The following ATP8B4 variants were observed in gnomAD, a reference collection of about 807,000 sequenced individuals.
ATP8B4 encodes the protein ATPase phospholipid transporting 8B4 (putative).
In ATP8B4, 133 loss-of-function variants were observed where a neutral mutation model predicts 145.6. The ratio of observed to expected loss-of-function variants is 0.91; its 90% CI spans 0.79 to 1.05. ATP8B4 has a LOEUF of 1.05. ATP8B4 is among the 50% of genes least tolerant of loss of function. ATP8B4 has a pLI of 0.00. For synonymous variants in ATP8B4, 507 were observed against 492.9 expected, an observed-to-expected ratio of 1.03 and a Z score of -0.38; for missense variants, 1,458 against 1,425.2, an observed-to-expected ratio of 1.02 and a Z score of -0.37.
At chr15:49,974,272 G>A (rs560115488) in intron 12 of ATP8B4, among the ~76,000 whole-genome samples, 12 of 151,682 alleles carry the variant, frequency 7.9e-5, no homozygotes, top group South Asian at 2.1e-4. Flanking sequence ...TAGTAGAGAC[G>A]GGGTTTCACT....
rs575333583 is a variant in ATP8B4, at chr15:50,065,502, A to G, written c.87+8625T>C. Among the ~76,000 whole-genome samples, 28 of 152,228 alleles carry G rather than the reference A, an allele frequency of 1.8e-4. No homozygotes were observed. In the East Asian group the frequency reaches 5.4e-3, roughly 29 times the overall value. On this transcript the variant is annotated intron_variant, in intron 3 of 27. Coordinates refer to ENST00000284509, the MANE Select transcript of ATP8B4 (RefSeq NM_024837.4). The stretch of plus-strand genomic sequence containing the variant: ...GTGGTTTTTTTCCGTTAACCTCTCA[A>G]TTGTTACTAAACTTGCCCAATTTCA...
chr15:50,087,302 T>C (rs1214283804), intron 2 of ATP8B4, among the ~76,000 whole-genome samples: 15 of 122,458 alleles, frequency 1.2e-4, no homozygotes, highest in Non-Finnish European at 2.1e-4. Context: ...GATCTATATC[T>C]ATTATATATA....
chr15:49,962,145 C>A, intron 13 of ATP8B4, 125 bp from the exon 14 acceptor site: 1 of 701,592 alleles, frequency 1.4e-6, no homozygotes, highest in Non-Finnish European at 2.3e-6. Context: ...TGAATTTAAA[C>A]AGGCGAATGG....
intron 1 of ATP8B4, among the ~76,000 whole-genome samples, chr15:50,180,739 G>A (rs1449201328): frequency 6.6e-6 from 1 of 152,156 alleles, no homozygotes. Context: ...CAGGGATGAT[G>A]AAGGCCCCCA....
At chr15:50,134,287 T>C (rs918848862) in intron 1 of ATP8B4, among the ~76,000 whole-genome samples, 10 of 152,242 alleles carry the variant, frequency 6.6e-5, no homozygotes, top group African/African-American at 2.4e-4. Context: ...AAAATAACTA[T>C]GGCAAGTAAA....
chr15:49,924,245 C>G (rs2040513700), intron 16 of ATP8B4, among the ~76,000 whole-genome samples: 1 of 151,934 alleles, frequency 6.6e-6, no homozygotes, highest in Non-Finnish European at 1.5e-5. Context: ...TCTTTCAAAC[C>G]ACAGAACACT....
intron 27 of ATP8B4, among the ~76,000 whole-genome samples, chr15:49,861,448 G>GTCTATCTA (rs1566884276): frequency 1.3e-4 from 18 of 142,472 alleles, no homozygotes; most frequent in African/African-American, 3.9e-4. Flanking sequence ...CTGTCTGTCT[G>GTCTATCTA]TCTGTCTATC....
chr15:49,921,447 T>C (rs1456267146), intron 17 of ATP8B4, among the ~76,000 whole-genome samples: 3 of 152,158 alleles, frequency 2.0e-5, no homozygotes, highest in Non-Finnish European at 4.4e-5. Flanking sequence ...AAGAGGAGAC[T>C]GGTATTTGCT....
chr15:49,907,267 G>A (rs910786752), intron 20 of ATP8B4, among the ~76,000 whole-genome samples: 2 of 152,186 alleles, frequency 1.3e-5, no homozygotes, highest in African/African-American at 4.8e-5. Context: ...GACAGAAAGA[G>A]GTTCAAGTTC....
chr15:50,062,751 A>G (rs1292095442), intron 3 of ATP8B4, among the ~76,000 whole-genome samples: 1 of 152,132 alleles, frequency 6.6e-6, no homozygotes, highest in East Asian at 1.9e-4. Flanking sequence ...CAGTTTATTA[A>G]TTTTCTCATA....
rs1467528901 is a variant in ATP8B4 at position 50,091,208 on chromosome 15, C to A, written c.28+15731G>T. ...GAGCAACATTAGATGAGAACTAGGT[C>A]CCCTGGGGTACTCTAACTCAAGTAG... On this transcript the variant is annotated intron_variant, in intron 2 of 27. Coordinates refer to ENST00000284509, the MANE Select transcript of ATP8B4 (RefSeq NM_024837.4). Among the ~76,000 whole-genome samples, 3 of 152,124 alleles carry A rather than the reference C, an allele frequency of 2.0e-5. No homozygotes were observed. The South Asian group carries it at 6.2e-4, about 32-fold the overall frequency.
chr15:50,094,711 ACT>A (rs1491144421), intron 2 of ATP8B4, among the ~76,000 whole-genome samples: 1 of 83,746 alleles, frequency 1.2e-5, no homozygotes, highest in Non-Finnish European at 3.2e-5. Flanking sequence ...TATATATACT[ACT>A]ATATATATAT....
intron 23 of ATP8B4, 41 bp downstream of exon 23, chr15:49,897,250 AC>A (rs746392365): frequency 2.9e-4 from 441 of 1,499,092 alleles, no homozygotes; most frequent in South Asian, 1.2e-3. Context: ...TCATACAAAA[AC>A]AAACAAACAA....
intron 12 of ATP8B4, among the ~76,000 whole-genome samples, chr15:49,977,225 T>G (rs2045744513): frequency 6.6e-6 from 1 of 152,164 alleles, no homozygotes; most frequent in Non-Finnish European, 1.5e-5. Flanking sequence ...CAGAAGGTCT[T>G]CATCATTCCG....
chr15:49,867,676 AGCTG>A (rs1429566476), intron 25 of ATP8B4, among the ~76,000 whole-genome samples: 1 of 152,218 alleles, frequency 6.6e-6, no homozygotes. Flanking sequence ...AAAAGGATTC[AGCTG>A]AAAAAGCAAG....
intron 1 of ATP8B4, among the ~76,000 whole-genome samples, chr15:50,139,302 C>T (rs919237390): frequency 6.6e-6 from 1 of 152,012 alleles, no homozygotes; most frequent in Admixed American, 6.6e-5. Flanking sequence ...TGGATGAAGC[C>T]GGAAGCCATC....
chr15:50,158,592 G>A lies in ATP8B4; in HGVS notation c.-43+23669C>T, dbSNP rs368984874. ...AGCCCCTCTGCCCGGCCACCACCCC[G>A]TCTGGGAGGTATACCCAACAGCTCA... is the stretch of plus-strand genomic sequence containing the variant. On this transcript the variant is annotated intron_variant, in intron 1 of 3. Transcript: ENST00000558829. Among the ~76,000 whole-genome samples the A allele has an allele frequency of 3.7e-4, 56 of 152,334 alleles. No individual in the cohort carries two copies. The East Asian group carries it at 4.4e-3, about 12-fold the overall frequency.
At chr15:49,942,459 G>A (rs1252610401) in intron 14 of ATP8B4, among the ~76,000 whole-genome samples, 4 of 151,866 alleles carry the variant, frequency 2.6e-5, no homozygotes, top group Non-Finnish European at 5.9e-5. Context: ...TAACATGGCA[G>A]TCTTCAAAAA....
intron 23 of ATP8B4, among the ~76,000 whole-genome samples, chr15:49,892,882 T>G (rs965502311): frequency 1.3e-5 from 2 of 152,216 alleles, no homozygotes; most frequent in African/African-American, 4.8e-5. Context: ...AGAAAGGGAC[T>G]GCAAGGAAAC....
Sources: allele counts gnomAD v4.1 joint callset (sites outside exome capture counted in the v4.1 genomes callset), GRCh38; gene constraint gnomAD v4.1.1; transcripts MANE v1.5; gene names NCBI Gene and HGNC (gene_info 2026-07-23, HGNC 2026-07-21).